DNM2: variants seen among roughly 807,000 people sequenced by gnomAD.
DNM2 encodes the protein dynamin-2.
A neutral mutation model predicts 99.0 loss-of-function variants in DNM2; 15 were observed. The ratio of observed to expected loss-of-function variants is 0.15; its 90% CI spans 0.10 to 0.23. The LOEUF is 0.23. DNM2 is among the 10% of genes least tolerant of loss of function. The pLI is 1.00. For synonymous variants in DNM2, 525 were observed against 481.2 expected, an observed-to-expected ratio of 1.09 and a Z score of -1.19; for missense variants, 742 against 1,189.4, an observed-to-expected ratio of 0.62 and a Z score of 5.53.
chr19:10,787,103 G>C (rs1289220722), intron 7 of DNM2, among the ~76,000 whole-genome samples: 1 of 152,200 alleles, frequency 6.6e-6, no homozygotes, highest in Non-Finnish European at 1.5e-5. Context: ...GGAGGCCAAG[G>C]TGGGTGGATC....
At chr19:10,791,597 G>A (rs374597194) in intron 7 of DNM2, among the ~76,000 whole-genome samples, 2 of 152,244 alleles carry the variant, frequency 1.3e-5, no homozygotes, top group East Asian at 3.9e-4. Context: ...CGTGGGTTGG[G>A]CCTGTAAATC....
chr19:10,783,125 T>C lies in DNM2; in HGVS notation c.849+5T>C. The stretch of plus-strand genomic sequence containing the variant: ...CTGCAGAAGACGCTGAATCAGGTAC[T>C]GCAAGGGTTTGCACGTAGTGTGCAG... On this transcript the variant is annotated splice_donor_5th_base_variant and intron_variant, in intron 6 of 20. Transcript: ENST00000389253. 6.2e-7 allele frequency: 1 copy of C among 1,609,256 alleles called. No homozygotes were observed. The highest frequency in any genetic ancestry group is 8.5e-7 in the Non-Finnish European group (1 of 1,180,010).
chr19:10,730,159 CAGCCACGTGCATATATTTGTTGAATGAA>C (rs1461203120), intron 1 of DNM2, among the ~76,000 whole-genome samples: 1 of 152,176 alleles, frequency 6.6e-6, no homozygotes, highest in East Asian at 1.9e-4. Flanking sequence ...CCACCTCTCC[CAGCCACGTGCATATATTTGTTGAATGAA>C]AGTAGCTAAA....
At chr19:10,732,409 A>G (rs1470097064) in intron 1 of DNM2, among the ~76,000 whole-genome samples, 2 of 150,540 alleles carry the variant, frequency 1.3e-5, no homozygotes, top group Non-Finnish European at 3.0e-5. Flanking sequence ...GACCATCCTG[A>G]CTAACACGGT....
intron 16 of DNM2, among the ~76,000 whole-genome samples, chr19:10,822,348 C>CCCAG (rs1459906533): frequency 6.6e-6 from 1 of 151,890 alleles, no homozygotes; most frequent in Non-Finnish European, 1.5e-5. Context: ...CACCACCATG[C>CCCAG]CCAGCTAATT....
chr19:10,786,855 C>T, intron 7 of DNM2, 149 bp downstream of exon 7: 1 of 1,472,514 alleles, frequency 6.8e-7, no homozygotes, highest in Non-Finnish European at 9.2e-7. Context: ...CAGGCTCCAT[C>T]CTAAGCATGG....
chr19:10,726,300 A>ATCC (rs2069115041), intron 1 of DNM2, among the ~76,000 whole-genome samples: 1 of 151,456 alleles, frequency 6.6e-6, no homozygotes, highest in African/African-American at 2.4e-5. Flanking sequence ...GGCCCAAGCG[A>ATCC]TCCTCCTGCC....
At chr19:10,803,892 A>G (rs2072245130) in intron 12 of DNM2, among the ~76,000 whole-genome samples, 1 of 152,164 alleles carries the variant, frequency 6.6e-6, no homozygotes, top group Non-Finnish European at 1.5e-5. Flanking sequence ...GGAGTCCTTA[A>G]ACAAATTGTC....
chr19:10,821,147 C>T (rs903382618), intron 16 of DNM2, among the ~76,000 whole-genome samples: 2 of 152,080 alleles, frequency 1.3e-5, no homozygotes, highest in Admixed American at 1.3e-4. Flanking sequence ...CTGGTTCCCT[C>T]CTGCTTTGCT....
rs1599522708 is a variant in DNM2, at chr19:10,772,295, G to T, written c.236-184G>T. On this transcript the variant is annotated intron_variant, in intron 2 of 20. Coordinates refer to ENST00000389253, the MANE Select transcript of DNM2 (RefSeq NM_001005361.3). The surrounding 1 kb of genome is among the most constrained non-coding windows in gnomAD (Gnocchi z 4.9). ...AGGGTTTCACCATGTTAGTGAGGAT[G>T]GTCTGAATCTCCTGACCTTGTGATC... Among the ~76,000 whole-genome samples, 1 of 151,980 alleles carries T rather than the reference G, an allele frequency of 6.6e-6. No homozygotes were observed.
intron 1 of DNM2, among the ~76,000 whole-genome samples, chr19:10,757,707 G>T (rs1314152667): frequency 6.6e-6 from 1 of 152,112 alleles, no homozygotes; most frequent in Non-Finnish European, 1.5e-5. Context: ...CACTTTGGGA[G>T]GCCAAGGCGG....
At chr19:10,768,219 C>T (rs899686522) in intron 2 of DNM2, among the ~76,000 whole-genome samples, 18 of 152,152 alleles carry the variant, frequency 1.2e-4, no homozygotes, top group East Asian at 7.7e-4. Context: ...TTTGGGAGGC[C>T]GAGGCGGGTA....
At chr19:10,757,575 C>CT in intron 1 of DNM2, among the ~76,000 whole-genome samples, 1 of 152,274 alleles carries the variant, frequency 6.6e-6, no homozygotes, top group South Asian at 2.1e-4. Context: ...CAGGGCACAG[C>CT]TGTACAGTAC....
chr19:10,770,901 G>C (rs989925101), intron 2 of DNM2, among the ~76,000 whole-genome samples: 8 of 152,166 alleles, frequency 5.3e-5, no homozygotes, highest in Admixed American at 4.6e-4. Context: ...CACAGAGCCA[G>C]ACCATATCAG....
intron 5 of DNM2, among the ~76,000 whole-genome samples, chr19:10,780,516 G>A (rs1265543351): frequency 2.6e-5 from 4 of 152,098 alleles, no homozygotes; most frequent in Non-Finnish European, 5.9e-5. Flanking sequence ...AAGAACGAAG[G>A]CGCTTCCACT....
chr19:10,789,225 C>T (rs2071667878), intron 7 of DNM2, among the ~76,000 whole-genome samples: 2 of 152,024 alleles, frequency 1.3e-5, no homozygotes, highest in Admixed American at 1.3e-4. Flanking sequence ...AACAAACAAA[C>T]AAACAAAACA....
At chr19:10,724,136 G>C (rs906366598) in intron 1 of DNM2, among the ~76,000 whole-genome samples, 7 of 151,426 alleles carry the variant, frequency 4.6e-5, no homozygotes, top group African/African-American at 1.7e-4. Context: ...CAAGGAGCAG[G>C]ATGAGGGAGA....
intron 2 of DNM2, among the ~76,000 whole-genome samples, chr19:10,771,871 A>G (rs1456427562): frequency 3.3e-5 from 5 of 152,048 alleles, no homozygotes; most frequent in African/African-American, 4.8e-5. Context: ...GGGATTCATA[A>G]TATGTCATGA....
chr19:10,810,520 G>T (rs1055583233), intron 14 of DNM2: 2 of 152,672 alleles, frequency 1.3e-5, no homozygotes, highest in Admixed American at 1.3e-4. Flanking sequence ...GCCATCCCCA[G>T]CATGGCCCCG....
Sources: allele counts gnomAD v4.1 joint callset (sites outside exome capture counted in the v4.1 genomes callset), GRCh38; gene constraint gnomAD v4.1.1; non-coding constraint Gnocchi (gnomAD v3.1); transcripts MANE v1.5; gene names NCBI Gene and HGNC (gene_info 2026-07-23, HGNC 2026-07-21).